The following BCAS3 variants were observed in gnomAD, a reference collection of about 807,000 sequenced individuals.
BCAS3 encodes BCAS3 microtubule associated cell migration factor.
A neutral mutation model predicts 116.1 loss-of-function variants in BCAS3; 53 were observed. The ratio of observed to expected loss-of-function variants is 0.46; its 90% confidence interval spans 0.37 to 0.57. BCAS3 has a LOEUF of 0.57. BCAS3 is among the 20% of genes least tolerant of loss of function. The pLI is 0.00. For missense variants in BCAS3, 917 were observed against 1,165.4 expected (o/e 0.79, Z 3.10); for synonymous variants, 391 against 408.2 (o/e 0.96, Z 0.51).
chr17:60,889,889 C>A, intron 10 of BCAS3, 118 bp downstream of exon 10: 3 of 926,274 alleles, frequency 3.2e-6, no homozygotes, highest in South Asian at 3.4e-5. Context: ...CTTACTAGTT[C>A]ATTTGCTTTG....
chr17:61,069,030 A>T (rs577995769), intron 19 of BCAS3, among the ~76,000 whole-genome samples: 1 of 152,308 alleles, frequency 6.6e-6, no homozygotes, highest in African/African-American at 2.4e-5. Flanking sequence ...GGATAATTCT[A>T]TTTAAAGAAA....
intron 22 of BCAS3, among the ~76,000 whole-genome samples, chr17:61,114,630 G>A (rs1487093624): frequency 2.6e-5 from 4 of 151,928 alleles, no homozygotes; most frequent in Non-Finnish European, 5.9e-5. Context: ...CTCATGGGTA[G>A]GAAGAATCAA....
Position 61,392,116 on chromosome 17 carries a change from C to T in BCAS3, c.2733C>T (p.Gly911=). The part of the protein sequence containing the change: ...ESQPLSLFPT[G]FP Reference sequence around the variant, plus strand: ...AGCCCCTCAGCCTCTTCCCGACTGGCTTCCCGTAGGTACCAGCAACCTGCT... The same window carrying T: ...AGCCCCTCAGCCTCTTCCCGACTGGTTTCCCGTAGGTACCAGCAACCTGCT... Residue 911 remains glycine (G), a synonymous_variant, in exon 24 of 24, where the codon GGC becomes GGT. Transcript: ENST00000407086. This position sits in a 1 kb window ranked among gnomAD's most constrained non-coding sequence, Gnocchi z 6.4. 6.2e-7 allele frequency: 1 copy of T among 1,613,274 alleles called. No individual in the cohort carries two copies. The highest frequency in any genetic ancestry group is 8.5e-7 in the Non-Finnish European group (1 of 1,179,822).
At chr17:60,784,977 A>G (rs1281500916) in intron 6 of BCAS3, among the ~76,000 whole-genome samples, 3 of 151,868 alleles carry the variant, frequency 2.0e-5, no homozygotes, top group Admixed American at 6.6e-5. Flanking sequence ...GGCGCCTGTA[A>G]TCCCAGCTGC....
intron 14 of BCAS3, among the ~76,000 whole-genome samples, chr17:60,954,690 C>T (rs1220187518): frequency 6.6e-6 from 1 of 152,176 alleles, no homozygotes; most frequent in African/African-American, 2.4e-5. Flanking sequence ...TTAACTCATT[C>T]ATGAGTAAAT....
intron 5 of BCAS3, among the ~76,000 whole-genome samples, chr17:60,714,708 G>A (rs2038352716): frequency 6.6e-6 from 1 of 152,090 alleles, no homozygotes; most frequent in African/African-American, 2.4e-5. Context: ...GCATATCCTG[G>A]TTAAACATTT....
At chr17:60,917,645 G>T (rs1422445861) in intron 12 of BCAS3, among the ~76,000 whole-genome samples, 1 of 151,776 alleles carries the variant, frequency 6.6e-6, no homozygotes, top group Non-Finnish European at 1.5e-5. Flanking sequence ...CAAGGCTGGA[G>T]TGCAGTGGCA....
chr17:61,227,615 A>G lies in BCAS3; in HGVS notation c.2426-140712A>G, dbSNP rs887901471. On this transcript the variant is annotated intron_variant, in intron 22 of 23. Coordinates refer to ENST00000407086, the MANE Select transcript of BCAS3 (RefSeq NM_017679.5). The surrounding 1 kb of genome is among the most constrained non-coding windows in gnomAD (Gnocchi z 6.1). ...CCCTAAGGCCACATGGCCGAGAGAC[A>G]GGTGGGAAGCCAAGGAAGAATAAAT... is the stretch of plus-strand genomic sequence containing the variant. Among the ~76,000 whole-genome samples, 5 of 152,246 alleles carry G rather than the reference A, an allele frequency of 3.3e-5. No individual in the cohort carries two copies. Among genetic ancestry groups the G allele is most frequent in the African/African-American group, 1.2e-4 (5 of 41,472 alleles).
At chr17:61,138,565 T>C (rs2076767070) in intron 22 of BCAS3, among the ~76,000 whole-genome samples, 2 of 152,234 alleles carry the variant, frequency 1.3e-5, no homozygotes, top group African/African-American at 4.8e-5. Context: ...TTTACTGACT[T>C]GATTGTTGTA....
intron 5 of BCAS3, among the ~76,000 whole-genome samples, chr17:60,735,663 A>G (rs114826252): frequency 0.032 from 4,811 of 152,082 alleles, 241 homozygotes; most frequent in African/African-American, 0.1. Context: ...CATGTTGCCT[A>G]GGCTTGTCTC....
intron 14 of BCAS3, among the ~76,000 whole-genome samples, chr17:60,985,438 C>A (rs1375403093): frequency 6.6e-6 from 1 of 152,032 alleles, no homozygotes; most frequent in African/African-American, 2.4e-5. Context: ...TGAGCTGTCA[C>A]ACCTGGTCCC....
chr17:61,284,258 A>T (rs984036576), intron 22 of BCAS3, among the ~76,000 whole-genome samples: 1 of 152,184 alleles, frequency 6.6e-6, no homozygotes, highest in African/African-American at 2.4e-5. Flanking sequence ...AAACCTGCTC[A>T]GGTTCCCTTC....
intron 5 of BCAS3, among the ~76,000 whole-genome samples, chr17:60,738,256 T>G (rs1162100522): frequency 6.6e-6 from 1 of 152,232 alleles, no homozygotes; most frequent in Non-Finnish European, 1.5e-5. Flanking sequence ...ACTATGTCCT[T>G]TTGTGCTTTT....
At chr17:60,785,662 GAATT>G (rs1165112776) in intron 6 of BCAS3, among the ~76,000 whole-genome samples, 1 of 152,136 alleles carries the variant, frequency 6.6e-6, no homozygotes, top group Non-Finnish European at 1.5e-5. Context: ...TGACCTGAAG[GAATT>G]TACATGAAGT....
intron 7 of BCAS3, among the ~76,000 whole-genome samples, chr17:60,851,188 G>T (rs573622850): frequency 6.6e-6 from 1 of 152,194 alleles, no homozygotes. Flanking sequence ...TGAAAGACAC[G>T]TCTGACTAAA....
At chr17:61,045,851 A>C (rs80177587) in intron 19 of BCAS3, among the ~76,000 whole-genome samples, 15,877 of 25,002 alleles carry the variant, frequency 0.64, 3,543 homozygotes, top group South Asian at 0.69. Context: ...CTCTCTCTCT[A>C]TATATATATA....
intron 4 of BCAS3, among the ~76,000 whole-genome samples, chr17:60,692,888 C>A (rs950382469): frequency 6.6e-6 from 1 of 151,524 alleles, no homozygotes; most frequent in East Asian, 1.9e-4. Flanking sequence ...GAGAGATATC[C>A]TTTCTCAAAA....
At chr17:60,984,188 A>G (rs1208096867) in intron 14 of BCAS3, among the ~76,000 whole-genome samples, 1 of 152,182 alleles carries the variant, frequency 6.6e-6, no homozygotes, top group Non-Finnish European at 1.5e-5. Flanking sequence ...GAGTTTGTTC[A>G]TGTACTGATG....
rs1398021420 is a variant in BCAS3, at chr17:61,279,854, C to T, written c.2426-88473C>T. The stretch of plus-strand genomic sequence containing the variant: ...CTGCAGGCTGATTGGATGACTGTGG[C>T]AGTACCAGCTTTGCTAAATCTCCTT... On this transcript the variant is annotated intron_variant, in intron 22 of 23. Transcript: ENST00000407086. This position sits in a 1 kb window ranked among gnomAD's most constrained non-coding sequence, Gnocchi z 4.4. Among the ~76,000 whole-genome samples, 1 of 151,578 alleles carries T rather than the reference C, an allele frequency of 6.6e-6. No individual in the cohort carries two copies. Among genetic ancestry groups the T allele is most frequent in the Non-Finnish European group, 1.5e-5 (1 of 67,970 alleles).
Sources: allele counts gnomAD v4.1 joint callset (sites outside exome capture counted in the v4.1 genomes callset), GRCh38; gene constraint gnomAD v4.1.1; non-coding constraint Gnocchi (gnomAD v3.1); transcripts MANE v1.5; gene names NCBI Gene and HGNC (gene_info 2026-07-23, HGNC 2026-07-21).